GALC: variants seen among roughly 807,000 people sequenced by gnomAD.
The protein encoded by GALC is galactocerebrosidase.
GALC carries 77 observed loss-of-function variants against 91.8 expected under a neutral mutation model. The ratio of observed to expected loss-of-function variants is 0.84; its 90% CI spans 0.70 to 1.01. GALC has a LOEUF of 1.01. Ranked by LOEUF, GALC falls within the 50% of genes least tolerant of loss-of-function variation. GALC has a pLI of 0.00. For synonymous variants in GALC, 357 were observed against 306.7 expected (o/e 1.16, Z -1.71); for missense variants, 882 against 855.9 (o/e 1.03, Z -0.38).
At chr14:87,982,380 G>A (rs552208933) in intron 5 of GALC, 137 bp from the exon 6 acceptor site, 15 of 592,010 alleles carry the variant, frequency 2.5e-5, no homozygotes, top group Non-Finnish European at 4.3e-5. Flanking sequence ...GGGATATCCT[G>A]CCATAGAATT....
intron 10 of GALC, among the ~76,000 whole-genome samples, chr14:87,951,123 C>T (rs1467068141): frequency 4.0e-5 from 6 of 151,694 alleles, no homozygotes; most frequent in Middle Eastern, 3.4e-3. Flanking sequence ...ATATAACTTT[C>T]GTTCTCATGT....
At chr14:87,988,245 T>C (rs374097191) in intron 2 of GALC, 38 bp from the exon 3 acceptor site, 55 of 1,572,296 alleles carry the variant, frequency 3.5e-5, no homozygotes, top group Middle Eastern at 1.7e-4. Flanking sequence ...TAGTGTTGTA[T>C]TGTATGAAGC....
chr14:87,976,136 T>A (rs529596343), intron 7 of GALC, among the ~76,000 whole-genome samples: 1 of 152,198 alleles, frequency 6.6e-6, no homozygotes, highest in African/African-American at 2.4e-5. Flanking sequence ...AACATCAACA[T>A]GCTTTTTAAA....
intron 15 of GALC, among the ~76,000 whole-genome samples, chr14:87,941,088 C>T (rs1401772806): frequency 6.6e-6 from 1 of 151,908 alleles, no homozygotes; most frequent in African/African-American, 2.4e-5. Context: ...CTCTCCCTAC[C>T]ACCACTACCT....
Position 87,992,999 on chromosome 14 carries a change from CGAACTCCCGGCCCAGCCCGTCGGAGT to C in GALC, c.140_165del (p.Asp47GlyfsTer33). 1 of 1,536,486 alleles carries C rather than the reference CGAACTCCCGGCCCAGCCCGTCGGAGT, an allele frequency of 6.5e-7. No homozygotes were observed. The highest frequency in any genetic ancestry group is 8.7e-7 in the Non-Finnish European group (1 of 1,149,940). ...CCGCCGCTGACCGCGCCGATGCCGT[CGAACTCCCGGCCCAGCCCGTCGGAGT>C]CGTCGAGCACGTACGCGCCGCCGGG... On this transcript the variant is annotated frameshift_variant, in exon 1 of 17. Coordinates refer to ENST00000261304, the MANE Select transcript of GALC (RefSeq NM_000153.4). LOFTEE classifies it high-confidence loss of function.
chr14:87,986,376 C>T, intron 4 of GALC, 113 bp downstream of exon 4: 1 of 729,032 alleles, frequency 1.4e-6, no homozygotes, highest in Non-Finnish European at 2.4e-6. Context: ...ATACTGGTAG[C>T]ATTAATGACA....
chr14:87,935,904 C>G (rs1403233171), intron 16 of GALC, among the ~76,000 whole-genome samples: 1 of 152,056 alleles, frequency 6.6e-6, no homozygotes, highest in African/African-American at 2.4e-5. Flanking sequence ...AAATTCAGAG[C>G]CACATTCCTA....
At chr14:87,982,094 TA>T in intron 6 of GALC, 110 bp downstream of exon 6, 2 of 620,984 alleles carry the variant, frequency 3.2e-6, no homozygotes, top group South Asian at 2.2e-5. Context: ...AACTGTAGTA[TA>T]AAAAATACGG....
At chr14:87,953,892 A>G (rs1466603555) in intron 10 of GALC, 5 of 1,610,208 alleles carry the variant, frequency 3.1e-6, no homozygotes, top group East Asian at 2.2e-5. Flanking sequence ...TTCTGGCTCT[A>G]AAGTGCCTTT....
At position 87,984,493 on chromosome 14, in the gene GALC, G is replaced by C. The variant is rs373159695; in HGVS notation, c.483C>G (p.Phe161Leu). 6.2e-7 allele frequency: 1 copy of C among 1,614,118 alleles called. No individual in the cohort carries two copies. The highest frequency in any genetic ancestry group is 8.5e-7 in the Non-Finnish European group (1 of 1,180,022). ...WSFPGWLGKG[F>L]DWPYVNLQLT... The stretch of plus-strand genomic sequence containing the variant: ...GCTGAAGATTGACATAAGGCCAGTC[G>C]AAACCTTTTCCCAGCCATCCAGGGA... The change falls in exon 5 of 17, where the codon TTC becomes TTG. Residue 161 changes from phenylalanine to leucine, a missense_variant. Physicochemically the swap from Phe to Leu is conservative, Grantham distance 22. Coordinates refer to ENST00000261304, the MANE Select transcript of GALC (RefSeq NM_000153.4).
chr14:87,953,556 T>C (rs554564923), intron 10 of GALC: 2 of 1,609,446 alleles, frequency 1.2e-6, no homozygotes, highest in East Asian at 4.5e-5. Flanking sequence ...ATGAGATACG[T>C]ATTGAGTTGT....
At position 87,976,360 on chromosome 14, in the gene GALC, T is replaced by C. The variant is rs2140016054; in HGVS notation, c.750A>G (p.Ile250Met). Residue 250 changes from isoleucine (I) to methionine (M), a missense_variant and splice_region_variant, in exon 7 of 17, where the codon ATA becomes ATG. Transcript: ENST00000261304. ...TTTCCAAGTAAAACATGCCTTACCC[T>C]ATAACATCAACCACCTTGAAGAGTT... The part of the protein sequence containing the change: ...DAELFKVVDV[I>M]GAHYPGTHSA... 6.2e-7 allele frequency: 1 copy of C among 1,613,950 alleles called. No individual in the cohort carries two copies. The highest frequency in any genetic ancestry group is 8.5e-7 in the Non-Finnish European group (1 of 1,179,976).
At position 87,945,550 on chromosome 14, in the gene GALC, T is replaced by C; in HGVS notation, c.1670+3A>G. ...AGATCCACATTGAGAACATCAATCT[T>C]ACCAGTTGTAGTCTCCTATAATACT... is the stretch of plus-strand genomic sequence containing the variant. On this transcript the variant is annotated splice_donor_region_variant and intron_variant, in intron 14 of 16. Coordinates refer to ENST00000261304, the MANE Select transcript of GALC (RefSeq NM_000153.4). The C allele has an allele frequency of 1.9e-6, 3 of 1,584,566 alleles. No individual in the cohort carries two copies. Among genetic ancestry groups the C allele is most frequent in the Non-Finnish European group, 2.6e-6 (3 of 1,153,354 alleles).
At chr14:87,975,195 T>C (rs745768445) in intron 7 of GALC, among the ~76,000 whole-genome samples, 79 of 152,088 alleles carry the variant, frequency 5.2e-4, no homozygotes, top group Non-Finnish European at 1.0e-3. Context: ...GAGCAAGTTA[T>C]ATTAAACTGT....
At position 87,988,197 on chromosome 14, in the gene GALC, C is replaced by T. The variant is rs1346514666; in HGVS notation, c.275G>A (p.Gly92Asp). The change falls in exon 3 of 17, where the codon GGT (glycine) becomes GAT (aspartate). Residue 92 changes from glycine (G) to aspartate (D), a missense_variant. Coordinates refer to ENST00000261304, the MANE Select transcript of GALC (RefSeq NM_000153.4). ...CACTTTTAAAATATGCAAAGAGGCA[C>T]CAAAATTCGGCTGTGAAAAGAAGTA... ...ILDYLFKPNF[G>D]ASLHILKVEI... 2 of 1,613,596 alleles carry T rather than the reference C, an allele frequency of 1.2e-6. No homozygotes were observed. The highest frequency in any genetic ancestry group is 2.2e-5 in the South Asian group (2 of 91,060).
At chr14:87,990,142 G>A (rs1316675749) in intron 1 of GALC, among the ~76,000 whole-genome samples, 4 of 152,028 alleles carry the variant, frequency 2.6e-5, no homozygotes, top group East Asian at 3.9e-4. Flanking sequence ...TTTGAACCCC[G>A]GCACTCCTTT....
chr14:87,976,070 A>C (rs182769255), intron 7 of GALC, among the ~76,000 whole-genome samples: 1 of 152,360 alleles, frequency 6.6e-6, no homozygotes, highest in African/African-American at 2.4e-5. Flanking sequence ...TCTAAAATTA[A>C]ATACAGGTAT....
intron 10 of GALC, 71 bp from the exon 11 acceptor site, chr14:87,950,819 G>A (rs1885275345): frequency 1.2e-6 from 1 of 851,260 alleles, no homozygotes; most frequent in Non-Finnish European, 2.0e-6. Context: ...AAGTTCAACA[G>A]TTAATGCCCA....
chr14:87,935,485 G>A (rs1884532211), intron 16 of GALC, among the ~76,000 whole-genome samples: 1 of 152,076 alleles, frequency 6.6e-6, no homozygotes, highest in Admixed American at 6.6e-5. Flanking sequence ...CTGGAGTAGG[G>A]TGCAGCGGGT....
Sources: allele counts gnomAD v4.1 joint callset (sites outside exome capture counted in the v4.1 genomes callset), GRCh38; gene constraint gnomAD v4.1.1; transcripts MANE v1.5; gene names NCBI Gene and HGNC (gene_info 2026-07-23, HGNC 2026-07-21).